The following RYR2 variants were observed in gnomAD, a reference collection of about 807,000 sequenced individuals.
RYR2 encodes ryanodine receptor 2.
In RYR2, 227 loss-of-function variants were observed where a neutral mutation model predicts 601.1. The observed-to-expected ratio is 0.38, with a 90% CI of 0.34 to 0.42. The LOEUF is 0.42. RYR2 is among the 10% of genes least tolerant of loss of function. The probability of loss-of-function intolerance (pLI) is 1.00; values close to 1 mark genes in which losing one functional copy is unlikely to be tolerated. For synonymous variants in RYR2, 2,223 were observed against 2,175.1 expected (o/e 1.02, Z -0.61); for missense variants, 4,646 against 6,156.5 (o/e 0.75, Z 8.21).
chr1:237,447,695 G>A (rs1232804869), intron 14 of RYR2, among the ~76,000 whole-genome samples: 2 of 151,832 alleles, frequency 1.3e-5, no homozygotes, highest in Non-Finnish European at 1.5e-5. Flanking sequence ...TAAACATTTA[G>A]TGTTATACAT....
chr1:237,066,888 C>G (rs192540295), intron 1 of RYR2, among the ~76,000 whole-genome samples: 1 of 152,128 alleles, frequency 6.6e-6, no homozygotes, highest in Non-Finnish European at 1.5e-5. Context: ...CCGCCCGCCT[C>G]GGCCTCCCAA....
chr1:237,197,467 A>G (rs1436638987), intron 1 of RYR2, among the ~76,000 whole-genome samples: 2 of 152,198 alleles, frequency 1.3e-5, no homozygotes, highest in East Asian at 3.8e-4. Context: ...TTATGTAATC[A>G]TGTAATATTC....
chr1:237,634,076 T>C (rs1177463121), intron 43 of RYR2, among the ~76,000 whole-genome samples: 1 of 152,140 alleles, frequency 6.6e-6, no homozygotes, highest in Non-Finnish European at 1.5e-5. Flanking sequence ...AAAATAGAAC[T>C]ACCATATGAT....
chr1:237,722,602 T>G (rs888088824), intron 73 of RYR2, among the ~76,000 whole-genome samples: 2 of 151,758 alleles, frequency 1.3e-5, no homozygotes, highest in African/African-American at 4.8e-5. Flanking sequence ...CCTGGCTAAT[T>G]TTTTGTATTT....
chr1:237,691,576 T>C (rs191345953), intron 63 of RYR2, among the ~76,000 whole-genome samples: 8 of 152,338 alleles, frequency 5.3e-5, no homozygotes, highest in Non-Finnish European at 1.2e-4. Context: ...ATGGACACTA[T>C]ACAGGAATTA....
chr1:237,357,401 G>A (rs1457319572), intron 4 of RYR2, among the ~76,000 whole-genome samples: 1 of 151,958 alleles, frequency 6.6e-6, no homozygotes, highest in African/African-American at 2.4e-5. Flanking sequence ...TCCCATCCTT[G>A]CATCCCTTCA....
intron 1 of RYR2, among the ~76,000 whole-genome samples, chr1:237,113,168 CCTCT>C (rs1172234130): frequency 6.6e-6 from 1 of 151,494 alleles, no homozygotes; most frequent in Non-Finnish European, 1.5e-5. Flanking sequence ...ATATTGTTGG[CCTCT>C]CTTTTATTTA....
At chr1:237,740,655 G>T (rs1232442027) in intron 79 of RYR2, among the ~76,000 whole-genome samples, 1 of 152,042 alleles carries the variant, frequency 6.6e-6, no homozygotes, top group African/African-American at 2.4e-5. Context: ...AATTTTTATA[G>T]AAGACTATGT....
intron 7 of RYR2, among the ~76,000 whole-genome samples, chr1:237,376,951 T>C (rs1701085626): frequency 6.6e-6 from 1 of 152,032 alleles, no homozygotes; most frequent in South Asian, 2.1e-4. Context: ...CTTATGAAAA[T>C]TGACAAAAAA....
intron 1 of RYR2, among the ~76,000 whole-genome samples, chr1:237,063,599 T>C (rs1374684814): frequency 6.1e-5 from 9 of 147,046 alleles, no homozygotes; most frequent in African/African-American, 2.2e-4. Context: ...CACACACACA[T>C]ACACACTCTC....
At chr1:237,321,475 G>A (rs1695624990) in intron 2 of RYR2, among the ~76,000 whole-genome samples, 1 of 152,154 alleles carries the variant, frequency 6.6e-6, no homozygotes, top group African/African-American at 2.4e-5. Context: ...TAGAATTTAT[G>A]TGTTTTAAAC....
At chr1:237,565,157 C>CTCTTTCTTTCTT (rs771045857) in intron 27 of RYR2, among the ~76,000 whole-genome samples, 99 of 52,916 alleles carry the variant, frequency 1.9e-3, no homozygotes, top group East Asian at 2.6e-3. Flanking sequence ...TTCTTTCTTT[C>CTCTTTCTTTCTT]TCTTTCTTTC....
chr1:237,264,091 G>GCACGCA (rs1688797538), intron 1 of RYR2, among the ~76,000 whole-genome samples: 1 of 147,412 alleles, frequency 6.8e-6, no homozygotes, highest in Non-Finnish European at 1.5e-5. Context: ...ACATGCACAT[G>GCACGCA]CACACACACA....
At chr1:237,336,805 A>G (rs1697278645) in intron 3 of RYR2, among the ~76,000 whole-genome samples, 1 of 151,978 alleles carries the variant, frequency 6.6e-6, no homozygotes, top group Admixed American at 6.6e-5. Context: ...TGTAGAGAGC[A>G]GAGATTGCAC....
At chr1:237,313,439 A>ATGTAATGGC (rs1416686412) in intron 2 of RYR2, among the ~76,000 whole-genome samples, 4 of 152,100 alleles carry the variant, frequency 2.6e-5, no homozygotes, top group Admixed American at 2.6e-4. Context: ...GGAGAAGGAG[A>ATGTAATGGC]TGTAATGGCT....
At chr1:237,351,400 AAGCCAAT>A (rs1255346300) in intron 3 of RYR2, among the ~76,000 whole-genome samples, 1 of 152,090 alleles carries the variant, frequency 6.6e-6, no homozygotes, top group Non-Finnish European at 1.5e-5. Context: ...TAAATCATTC[AAGCCAAT>A]AGCTGGATTT....
chr1:237,754,903 T>C (rs575528779), intron 80 of RYR2, among the ~76,000 whole-genome samples: 1 of 152,376 alleles, frequency 6.6e-6, no homozygotes, highest in East Asian at 1.9e-4. Context: ...ACCTTATAGA[T>C]GTTAGCATGG....
chr1:237,401,262 G>T (rs1703323321), intron 10 of RYR2, among the ~76,000 whole-genome samples: 1 of 152,128 alleles, frequency 6.6e-6, no homozygotes, highest in Non-Finnish European at 1.5e-5. Context: ...GCATACTGCG[G>T]TATATTTCTG....
At chr1:237,201,652 C>A (rs1158304002) in intron 1 of RYR2, among the ~76,000 whole-genome samples, 5 of 152,120 alleles carry the variant, frequency 3.3e-5, no homozygotes, top group South Asian at 2.1e-4. Context: ...TCGTCATTAT[C>A]ATCATTACTG....
Sources: gnomAD v4.1 joint callset for allele counts (sites outside exome capture counted in the v4.1 genomes callset) on GRCh38, gnomAD v4.1.1 for gene constraint, MANE v1.5 for transcripts, NCBI Gene and HGNC (gene_info 2026-07-23, HGNC 2026-07-21) for gene names.